PON1: variants seen among roughly 807,000 people sequenced by gnomAD.
PON1 encodes the protein serum paraoxonase/arylesterase 1.
A neutral mutation model predicts 39.2 loss-of-function variants in PON1; 37 were observed. The observed-to-expected ratio is 0.94, with a 90% CI of 0.73 to 1.24. PON1 has a LOEUF of 1.24. PON1 is among the 50% of genes most tolerant of loss of function. The pLI is 0.00. For missense variants in PON1, 397 were observed against 413.5 expected (o/e 0.96, Z 0.35); for synonymous variants, 148 against 152.2 (o/e 0.97, Z 0.21).
intron 7 of PON1, among the ~76,000 whole-genome samples, chr7:95,304,157 T>C (rs1807490949): frequency 6.6e-6 from 1 of 152,052 alleles, no homozygotes; most frequent in South Asian, 2.1e-4. Flanking sequence ...TCCCCCAAGT[T>C]CCTAGCAATC....
intron 2 of PON1, 40 bp downstream of exon 2, chr7:95,318,283 G>T: frequency 2.6e-6 from 4 of 1,522,206 alleles, no homozygotes; most frequent in Non-Finnish European, 3.6e-6. Flanking sequence ...AAAAAATACC[G>T]GAAGTTCAAA....
chr7:95,321,418 A>G (rs1807894409), intron 1 of PON1, among the ~76,000 whole-genome samples: 1 of 152,220 alleles, frequency 6.6e-6, no homozygotes. Context: ...CTTGGGGCCA[A>G]ATTCACTCTA....
In PON1 at chr7:95,297,814, A is replaced by G. The variant is rs1807301675; in HGVS notation, c.*1130T>C. On this transcript the variant is annotated 3_prime_UTR_variant, in exon 9 of 9. Coordinates refer to ENST00000222381, the MANE Select transcript of PON1 (RefSeq NM_000446.7). ...CTCAAAAACAAAACAAAAACAAGAA[A>G]AAAATTTGTTTCTAAAGTCACTGCC... The G allele has an allele frequency of 6.6e-6, 1 of 152,162 alleles. No homozygotes were observed. The highest frequency in any genetic ancestry group is 1.5e-5 in the Non-Finnish European group (1 of 68,032). 9.4% of individuals were successfully genotyped at this position (152,162 alleles called of 1,614,324 possible). A position where few individuals can be genotyped will look rare whatever the true frequency, so the allele number is the denominator to read the frequency against.
At chr7:95,322,308 T>A (rs1807914138) in intron 1 of PON1, among the ~76,000 whole-genome samples, 1 of 135,690 alleles carries the variant, frequency 7.4e-6, no homozygotes, top group Admixed American at 8.2e-5. Context: ...TTTATATGTT[T>A]TATATAAATA....
chr7:95,315,349 G>A lies in PON1; in HGVS notation c.343C>T (p.His115Tyr), dbSNP rs774296207. Residue 115 changes from histidine to tyrosine, a missense_variant, in exon 4 of 9, where the codon CAT becomes TAT. Physicochemically the swap from His to Tyr is moderately conservative, Grantham distance 83. Transcript: ENST00000222381. ...SKFDVSSFNP[H>Y]GISTFTDEDN... Reference sequence around the variant, plus strand: ...TCATCTGTGAATGTGCTAATCCCATGAGGGTTAAATGAAGATACATCAAAT... The same window carrying A: ...TCATCTGTGAATGTGCTAATCCCATAAGGGTTAAATGAAGATACATCAAAT... 6.8e-6 allele frequency: 11 copies of A among 1,613,546 alleles called. No individual in the cohort carries two copies. In the Middle Eastern group the frequency reaches 8.3e-4, roughly 121 times the overall value.
chr7:95,309,249 G>T (rs889595576), intron 5 of PON1, among the ~76,000 whole-genome samples: 10 of 151,402 alleles, frequency 6.6e-5, no homozygotes, highest in Non-Finnish European at 1.3e-4. Flanking sequence ...AATGCCTGTT[G>T]TGTGCTTTGC....
intron 3 of PON1, 53 bp downstream of exon 3, chr7:95,316,681 T>C: frequency 6.8e-7 from 1 of 1,472,684 alleles, no homozygotes; most frequent in Non-Finnish European, 9.5e-7. Flanking sequence ...AGACTTAAAC[T>C]GCCAGTCCTA....
chr7:95,318,271 C>A (rs1476924046), intron 2 of PON1, 52 bp downstream of exon 2: 3 of 1,482,242 alleles, frequency 2.0e-6, no homozygotes, highest in African/African-American at 2.8e-5. Flanking sequence ...ACACAAAGAG[C>A]AAAAAAATAC....
chr7:95,323,748 T>G (rs1241363285), intron 1 of PON1, among the ~76,000 whole-genome samples: 1 of 152,228 alleles, frequency 6.6e-6, no homozygotes, highest in East Asian at 1.9e-4. Context: ...TGTATTACTA[T>G]TTCCAGTTTA....
rs778676808 is a variant in PON1, at chr7:95,308,254, T to C, written c.498-43A>G. The C allele has an allele frequency of 4.5e-6, 7 of 1,561,552 alleles. No individual in the cohort carries two copies. The Admixed American group carries it at 6.7e-5, about 15-fold the overall frequency. ...ACACATAATATATAAGGTGAAGGTA[T>C]TGAACATTACAGGATTATTAACTGG... is the stretch of plus-strand genomic sequence containing the variant. On this transcript the variant is annotated intron_variant, in intron 5 of 8. Transcript: ENST00000222381.
chr7:95,316,090 G>C (rs535778582), intron 3 of PON1, among the ~76,000 whole-genome samples: 1 of 152,220 alleles, frequency 6.6e-6, no homozygotes. Flanking sequence ...ACTGGACTAA[G>C]TAAATTACAA....
intron 7 of PON1, among the ~76,000 whole-genome samples, chr7:95,305,829 G>A (rs1563595690): frequency 1.3e-5 from 2 of 152,150 alleles, no homozygotes; most frequent in Admixed American, 6.5e-5. Flanking sequence ...TCACCTAGCA[G>A]CCATCGTGAG....
chr7:95,305,143 G>A (rs3917551), intron 7 of PON1, among the ~76,000 whole-genome samples: 13,797 of 152,186 alleles, frequency 0.091, 832 homozygotes, highest in African/African-American at 0.15. Context: ...TTTTCTCTGA[G>A]TGAGGCCCCT....
intron 1 of PON1, among the ~76,000 whole-genome samples, chr7:95,322,012 C>T (rs1418872895): frequency 2.0e-5 from 3 of 152,152 alleles, no homozygotes; most frequent in South Asian, 2.1e-4. Flanking sequence ...AGAAACACAA[C>T]GTTTGCAAAG....
At chr7:95,316,347 T>C (rs2301711) in intron 3 of PON1, among the ~76,000 whole-genome samples, 21,651 of 152,128 alleles carry the variant, frequency 0.14, 2,530 homozygotes, top group African/African-American at 0.31. Flanking sequence ...TGTTTAAAAA[T>C]GTGAAAGTTG....
intron 7 of PON1, among the ~76,000 whole-genome samples, chr7:95,302,557 T>C (rs1807459671): frequency 6.6e-6 from 1 of 151,732 alleles, no homozygotes; most frequent in Non-Finnish European, 1.5e-5. Flanking sequence ...AGGGTGAAGA[T>C]ACAGAAAGCC....
rs10548570 is a variant in PON1, at chr7:95,308,475, CGTGTGT to C, written c.498-270_498-265del. On this transcript the variant is annotated intron_variant, in intron 5 of 8. Coordinates refer to ENST00000222381, the MANE Select transcript of PON1 (RefSeq NM_000446.7). ...TATGTATCTTAAAATAGTGTTACGT[CGTGTGT>C]GTGTGTGTGTGTGTGTGTGTGTGTG... Among the ~76,000 whole-genome samples, 18,559 of 147,072 alleles carry C rather than the reference CGTGTGT, an allele frequency of 0.13. 1,142 individuals are homozygous for C. The highest frequency in any genetic ancestry group is 0.13 in the East Asian group (645 of 4,992).
At chr7:95,318,183 G>A (rs1455586638) in intron 2 of PON1, 140 bp downstream of exon 2, 2 of 697,600 alleles carry the variant, frequency 2.9e-6, no homozygotes, top group East Asian at 5.7e-5. Flanking sequence ...CAAACAACAT[G>A]GTATTTATCA....
At chr7:95,315,230 T>C in intron 4 of PON1, 92 bp downstream of exon 4, 2 of 1,183,320 alleles carry the variant, frequency 1.7e-6, no homozygotes, top group Non-Finnish European at 2.4e-6. Context: ...TATGCTTTGT[T>C]TGAATGAGAA....
Sources: allele counts gnomAD v4.1 joint callset (sites outside exome capture counted in the v4.1 genomes callset), GRCh38; gene constraint gnomAD v4.1.1; transcripts MANE v1.5; gene names NCBI Gene and HGNC (gene_info 2026-07-23, HGNC 2026-07-21).